CYP4Z1: variants seen among roughly 807,000 people sequenced by gnomAD.
CYP4Z1 encodes the protein cytochrome P450 family 4 subfamily Z member 1, also known as cytochrome P450 4Z1.
Under a neutral mutation model 54.2 loss-of-function variants are expected in CYP4Z1, and 41 were observed. The observed-to-expected ratio is 0.76, with a 90% CI of 0.59 to 0.98. The LOEUF (loss-of-function observed/expected upper bound fraction) is 0.98. CYP4Z1 is among the 50% of genes least tolerant of loss of function. The pLI is 0.00. For synonymous variants in CYP4Z1, 163 were observed against 206.2 expected (o/e 0.79, Z 1.79); for missense variants, 513 against 599.0 (o/e 0.86, Z 1.50).
chr1:47,057,814 T>C, the CYP4Z1 span, among the ~76,000 whole-genome samples: 7 of 152,160 alleles, frequency 4.6e-5, no homozygotes, highest in South Asian at 1.5e-3. Context: ...TGGTTTATAT[T>C]AACAACTTTA....
intron 9 of CYP4Z1, among the ~76,000 whole-genome samples, chr1:47,107,386 AGAGAAAGATCTTTG>A (rs1477108126): frequency 6.6e-6 from 1 of 152,092 alleles, no homozygotes; most frequent in East Asian, 1.9e-4. Context: ...GGATCTCTCC[AGAGAAAGATCTTTG>A]CTATCATGGG....
Position 47,115,487 on chromosome 1 carries a change from C to A in CYP4Z1, c.1202-42C>A, listed in dbSNP as rs1309362365. On this transcript the variant is annotated intron_variant, in intron 9 of 11. Coordinates refer to ENST00000334194, the MANE Select transcript of CYP4Z1 (RefSeq NM_178134.3). ...AAAGAGAAAAAAAAAAAGACAGAAT[C>A]TTCGCTCATGCACTTACCTGCTTTT... is the stretch of plus-strand genomic sequence containing the variant. 5 of 1,538,558 alleles carry A rather than the reference C, an allele frequency of 3.2e-6. No homozygotes were observed. The East Asian group carries it at 6.8e-5, about 21-fold the overall frequency.
intron 8 of CYP4Z1, among the ~76,000 whole-genome samples, chr1:47,103,348 T>C (rs1644733570): frequency 9.7e-6 from 1 of 103,404 alleles, no homozygotes; most frequent in Non-Finnish European, 1.8e-5. Flanking sequence ...CCTGGCTAAT[T>C]TTTTTTTTTA....
At chr1:47,068,523 G>T in intron 1 of CYP4Z1, 99 bp from the exon 2 acceptor site, 1 of 1,462,088 alleles carries the variant, frequency 6.8e-7, no homozygotes, top group Non-Finnish European at 9.3e-7. Context: ...ATGGGGTGGT[G>T]TCCACAGATC....
chr1:47,090,749 C>T (rs1644632759), intron 6 of CYP4Z1, among the ~76,000 whole-genome samples: 1 of 150,656 alleles, frequency 6.6e-6, no homozygotes, highest in Non-Finnish European at 1.5e-5. Context: ...GGGGTTGCTC[C>T]CTCAGCTCTT....
In CYP4Z1 at chr1:47,118,217, A is replaced by G. The variant is rs1329211185; in HGVS notation, c.*283A>G. ...TAGAGTGGCTTTCAAGCATAGTTTGATCAAAACTCCACTCAGTATCTGCAT... is the reference window on the plus strand; with the variant it reads ...TAGAGTGGCTTTCAAGCATAGTTTGGTCAAAACTCCACTCAGTATCTGCAT... On this transcript the variant is annotated 3_prime_UTR_variant, in exon 12 of 12. Coordinates refer to ENST00000334194, the MANE Select transcript of CYP4Z1 (RefSeq NM_178134.3). The G allele has an allele frequency of 3.4e-6, 1 of 289,926 alleles. No homozygotes were observed. The highest frequency in any genetic ancestry group is 6.5e-6 in the Non-Finnish European group (1 of 153,504). 18.0% of individuals were successfully genotyped at this position (289,926 alleles called of 1,614,324 possible).
Position 47,094,514 on chromosome 1 carries a change from T to C in CYP4Z1, c.773-52T>C, listed in dbSNP as rs187809622. 3.5e-4 allele frequency: 455 copies of C among 1,289,398 alleles called. 1 individual carries two copies. In the African/African-American group the frequency reaches 6.1e-3, roughly 17 times the overall value. The allele number at this position is 1,289,398 out of a possible 1,614,324, so 79.9% of individuals were successfully genotyped here. ...TTCTCAGAACTACATTTGGCTTTGA[T>C]TGACTTTCCAGTAACCTTGATAATA... On this transcript the variant is annotated intron_variant, in intron 6 of 11. Transcript: ENST00000334194.
At chr1:47,065,932 G>A (rs778076725), upstream of CYP4Z1, among the ~76,000 whole-genome samples, 92 of 152,092 alleles carry the variant, frequency 6.0e-4, 1 homozygote, top group Middle Eastern at 6.8e-3. Context: ...AAACCTAGAG[G>A]AGATGGATAA....
At chr1:47,104,709 C>G (rs1644745127) in intron 8 of CYP4Z1, among the ~76,000 whole-genome samples, 2 of 152,120 alleles carry the variant, frequency 1.3e-5, no homozygotes, top group Middle Eastern at 3.2e-3. Flanking sequence ...GCAGGGCAGT[C>G]TCTAGGGCCC....
chr1:47,095,806 C>A (rs1321338948), intron 7 of CYP4Z1, among the ~76,000 whole-genome samples: 1 of 152,146 alleles, frequency 6.6e-6, no homozygotes, highest in African/African-American at 2.4e-5. Context: ...TCCGTTGTAC[C>A]AAATGGCACC....
intron 2 of CYP4Z1, among the ~76,000 whole-genome samples, chr1:47,073,868 T>G (rs553941447): frequency 0.015 from 2,198 of 148,722 alleles, 16 homozygotes; most frequent in African/African-American, 0.054. Flanking sequence ...GATATATGAT[T>G]TGCAAACATT....
chr1:47,112,313 T>C (rs547514007), intron 9 of CYP4Z1, among the ~76,000 whole-genome samples: 1 of 152,244 alleles, frequency 6.6e-6, no homozygotes, highest in East Asian at 1.9e-4. Context: ...CTGATGCTGG[T>C]AGAGATAAAT....
At chr1:47,102,626 A>G (rs1644729262) in intron 8 of CYP4Z1, among the ~76,000 whole-genome samples, 1 of 152,166 alleles carries the variant, frequency 6.6e-6, no homozygotes, top group Admixed American at 6.6e-5. Context: ...TTCTTTCAGC[A>G]CTTCAAATGT....
At chr1:47,098,727 T>C (rs1338900612) in intron 7 of CYP4Z1, among the ~76,000 whole-genome samples, 3 of 152,214 alleles carry the variant, frequency 2.0e-5, no homozygotes, top group Admixed American at 2.0e-4. Flanking sequence ...TAATTTATTT[T>C]ACCTTTCCCT....
intron 8 of CYP4Z1, among the ~76,000 whole-genome samples, chr1:47,104,324 C>T (rs1315136488): frequency 1.3e-5 from 2 of 152,170 alleles, no homozygotes; most frequent in Admixed American, 6.5e-5. Flanking sequence ...GGCCAGTCTT[C>T]GGGTCCCAGC....
intron 11 of CYP4Z1, among the ~76,000 whole-genome samples, chr1:47,117,304 T>C (rs1644837401): frequency 6.6e-6 from 1 of 152,170 alleles, no homozygotes; most frequent in Admixed American, 6.6e-5. Flanking sequence ...GAATCAAATG[T>C]TGATAGAACT....
At chr1:47,098,325 G>A (rs993270837) in intron 7 of CYP4Z1, among the ~76,000 whole-genome samples, 2 of 152,108 alleles carry the variant, frequency 1.3e-5, no homozygotes, top group African/African-American at 4.8e-5. Flanking sequence ...TCTCGAAAAG[G>A]TCCTTCACTT....
At chr1:47,100,084 TAG>T (rs1441884485) in intron 8 of CYP4Z1, among the ~76,000 whole-genome samples, 1 of 152,184 alleles carries the variant, frequency 6.6e-6, no homozygotes, top group Non-Finnish European at 1.5e-5. Context: ...CTTTAAATAC[TAG>T]AGTCTAGTTT....
chr1:47,094,069 T>A (rs1644658816), intron 6 of CYP4Z1, among the ~76,000 whole-genome samples: 1 of 152,126 alleles, frequency 6.6e-6, no homozygotes, highest in African/African-American at 2.4e-5. Flanking sequence ...GTGGTGAGAG[T>A]AGGCTTCCTT....
Sources: allele counts gnomAD v4.1 joint callset (sites outside exome capture counted in the v4.1 genomes callset), GRCh38; gene constraint gnomAD v4.1.1; transcripts MANE v1.5; gene names NCBI Gene and HGNC (gene_info 2026-07-23, HGNC 2026-07-21).